The following SNX14 variants were observed in gnomAD, a reference collection of about 807,000 sequenced individuals.
SNX14 encodes the protein sorting nexin-14.
SNX14 carries 93 observed loss-of-function variants against 133.8 expected under a neutral mutation model. The ratio of observed to expected loss-of-function variants is 0.70; its 90% CI spans 0.59 to 0.83. The LOEUF is 0.83. Among genes scored for constraint, SNX14 ranks in the 40% least tolerant of loss-of-function variants. The pLI, the probability that SNX14 is intolerant of heterozygous loss-of-function variation, is 0.00. For missense variants in SNX14, 945 were observed against 1,094.9 expected (o/e 0.86, Z 1.93); for synonymous variants, 368 against 365.6 (o/e 1.01, Z -0.07).
intron 23 of SNX14, 134 bp from the exon 24 acceptor site, chr6:85,514,763 A>G (rs975413267): frequency 1.3e-6 from 1 of 741,764 alleles, no homozygotes; most frequent in African/African-American, 1.8e-5. Context: ...AGATAGGTTA[A>G]TATATGCTTC....
chr6:85,573,880 G>A (rs928395802), intron 2 of SNX14, among the ~76,000 whole-genome samples: 2 of 152,032 alleles, frequency 1.3e-5, no homozygotes, highest in African/African-American at 2.4e-5. Context: ...TTGTCCTCAC[G>A]GTTAATAGAG....
chr6:85,567,794 G>C, intron 4 of SNX14: 2 of 318,242 alleles, frequency 6.3e-6, no homozygotes, highest in Non-Finnish European at 1.2e-5. Context: ...ACCAGCCTGG[G>C]TAACATGATG....
chr6:85,581,579 A>G (rs895624208), intron 1 of SNX14: 4 of 152,226 alleles, frequency 2.6e-5, no homozygotes, highest in East Asian at 3.8e-4. Context: ...CTGTATTAAG[A>G]AAACTCAAAG....
At chr6:85,584,778 G>C (rs1300123461) in intron 1 of SNX14, among the ~76,000 whole-genome samples, 2 of 152,152 alleles carry the variant, frequency 1.3e-5, no homozygotes, top group East Asian at 3.8e-4. Flanking sequence ...TGGAGAAACA[G>C]GAACACTTTT....
chr6:85,533,618 T>C lies in SNX14; in HGVS notation c.1791A>G (p.Glu597=). ...TCCTACCTGCTCTTCTATCATTTCTTTCAACATCAATACAAAACACAGGAA... is the reference window on the plus strand; with the variant it reads ...TCCTACCTGCTCTTCTATCATTTCTCTCAACATCAATACAAAACACAGGAA... ...ERIPVFCIDV[E]RNDRRAVGHE... Residue 597 remains glutamate, a synonymous_variant, in exon 18 of 29, where the codon GAA becomes GAG. Transcript: ENST00000314673. 1.9e-6 allele frequency: 3 copies of C among 1,613,254 alleles called. No individual in the cohort carries two copies. The highest frequency in any genetic ancestry group is 2.5e-6 in the Non-Finnish European group (3 of 1,179,980).
At chr6:85,578,566 A>C (rs1194703967) in intron 1 of SNX14, among the ~76,000 whole-genome samples, 2 of 152,204 alleles carry the variant, frequency 1.3e-5, no homozygotes, top group East Asian at 3.9e-4. Flanking sequence ...AACAGCATCA[A>C]TGATCCCAGA....
chr6:85,564,490 T>C (rs1793054723), intron 6 of SNX14, among the ~76,000 whole-genome samples: 1 of 152,198 alleles, frequency 6.6e-6, no homozygotes, highest in South Asian at 2.1e-4. Context: ...GGTACCTCAT[T>C]GTTGTTTTGA....
chr6:85,556,974 G>A (rs1024009354), intron 7 of SNX14, among the ~76,000 whole-genome samples: 6 of 152,138 alleles, frequency 3.9e-5, no homozygotes, highest in Non-Finnish European at 8.8e-5. Context: ...TATGTGGGGG[G>A]AAAAAATGGT....
intron 8 of SNX14, among the ~76,000 whole-genome samples, chr6:85,549,074 C>G (rs1023168872): frequency 6.6e-6 from 1 of 151,094 alleles, no homozygotes; most frequent in Non-Finnish European, 1.5e-5. Flanking sequence ...ACCTTATAAT[C>G]ATATTTACTA....
At chr6:85,579,344 G>C (rs1191668541) in intron 1 of SNX14, among the ~76,000 whole-genome samples, 2 of 152,146 alleles carry the variant, frequency 1.3e-5, no homozygotes, top group Admixed American at 1.3e-4. Context: ...TAAGGAGAGA[G>C]AGAGGCAGAA....
chr6:85,549,982 C>T, intron 7 of SNX14, 103 bp from the exon 8 acceptor site: 1 of 1,004,638 alleles, frequency 1.0e-6, no homozygotes, highest in Non-Finnish European at 1.4e-6. Context: ...CGTGGTGGCT[C>T]ATGCCTGTAA....
chr6:85,550,257 T>C (rs1413300563), intron 7 of SNX14, among the ~76,000 whole-genome samples: 1 of 152,206 alleles, frequency 6.6e-6, no homozygotes, highest in East Asian at 1.9e-4. Flanking sequence ...CTCTTTTCAA[T>C]GTGCATTCTT....
Position 85,547,489 on chromosome 6 carries a change from A to G in SNX14, c.912+17T>C, listed in dbSNP as rs1034717974. Reference sequence around the variant, plus strand: ...TCAATGCAATCTGAAGTGTTTTCTAATATATTCAATACTCACTGGACTGTC... The same window carrying G: ...TCAATGCAATCTGAAGTGTTTTCTAGTATATTCAATACTCACTGGACTGTC... On this transcript the variant is annotated intron_variant, in intron 10 of 28. Coordinates refer to ENST00000314673, the MANE Select transcript of SNX14 (RefSeq NM_153816.6). 10 of 1,605,682 alleles carry G rather than the reference A, an allele frequency of 6.2e-6. No individual in the cohort carries two copies. The highest frequency in any genetic ancestry group is 1.3e-5 in the African/African-American group (1 of 74,390).
At chr6:85,550,160 T>C (rs1787216127) in intron 7 of SNX14, among the ~76,000 whole-genome samples, 1 of 152,186 alleles carries the variant, frequency 6.6e-6, no homozygotes, top group African/African-American at 2.4e-5. Context: ...GCAGAATTGC[T>C]TGAACCCAGG....
At chr6:85,549,643 T>G (rs1787042797) in intron 8 of SNX14, 80 bp downstream of exon 8, 3 of 1,253,102 alleles carry the variant, frequency 2.4e-6, no homozygotes, top group Non-Finnish European at 3.2e-6. Flanking sequence ...AATTTTAGCA[T>G]ATGCCTATCA....
intron 21 of SNX14, among the ~76,000 whole-genome samples, chr6:85,522,288 T>A (rs1337561922): frequency 2.6e-5 from 4 of 152,160 alleles, no homozygotes; most frequent in Non-Finnish European, 5.9e-5. Flanking sequence ...TCTACTGATT[T>A]GGTGTTATAA....
chr6:85,517,971 TATC>T (rs1775632458), intron 22 of SNX14, 34 bp downstream of exon 22: 1 of 1,585,660 alleles, frequency 6.3e-7, no homozygotes. Context: ...TGTTTATGAT[TATC>T]ATGTTATAGA....
Position 85,553,918 on chromosome 6 carries a change from T to C in SNX14, c.635-4039A>G, listed in dbSNP as rs538106280. On this transcript the variant is annotated intron_variant, in intron 7 of 28. Transcript: ENST00000314673. ...ATAATATATAAATTAAATCACCAGA[T>C]TGGAATCTACTCAGCACCTGTCAGA... Among the ~76,000 whole-genome samples, 29 of 152,272 alleles carry C rather than the reference T, an allele frequency of 1.9e-4. No individual in the cohort carries two copies. In the East Asian group the frequency reaches 5.2e-3, roughly 27 times the overall value.
chr6:85,551,655 C>T (rs903487012), intron 7 of SNX14, among the ~76,000 whole-genome samples: 17 of 152,198 alleles, frequency 1.1e-4, no homozygotes, highest in Non-Finnish European at 2.4e-4. Context: ...GCTATGTTTT[C>T]CTGGTTTGCA....
Sources: allele counts gnomAD v4.1 joint callset (sites outside exome capture counted in the v4.1 genomes callset), GRCh38; gene constraint gnomAD v4.1.1; transcripts MANE v1.5; gene names NCBI Gene and HGNC (gene_info 2026-07-23, HGNC 2026-07-21).